The following SYT12 variants were observed in gnomAD, a reference collection of about 807,000 sequenced individuals.
SYT12 encodes synaptotagmin 12.
A neutral mutation model predicts 39.5 loss-of-function variants in SYT12; 27 were observed. The ratio of observed to expected loss-of-function variants is 0.68; its 90% confidence interval spans 0.50 to 0.94. The LOEUF (loss-of-function observed/expected upper bound fraction) is 0.94, where lower values mean the gene tolerates loss of function less well. SYT12 is among the 40% of genes least tolerant of loss of function. SYT12 has a pLI of 0.00. For synonymous variants in SYT12, 233 were observed against 239.7 expected, an observed-to-expected ratio of 0.97 and a Z score of 0.26; for missense variants, 536 against 572.6, an observed-to-expected ratio of 0.94 and a Z score of 0.65.
chr11:67,041,476 T>TAATA (rs974617570), intron 4 of SYT12, among the ~76,000 whole-genome samples: 1 of 151,914 alleles, frequency 6.6e-6, no homozygotes, highest in African/African-American at 2.4e-5. Flanking sequence ...GTCTCAAAAA[T>TAATA]AATAAATAAA....
chr11:67,044,401 G>A (rs967911244), intron 5 of SYT12, among the ~76,000 whole-genome samples, 192 bp from the exon 6 acceptor site: 7 of 152,172 alleles, frequency 4.6e-5, no homozygotes, highest in African/African-American at 1.7e-4. Flanking sequence ...TCCATGCAGT[G>A]GCGGGGGGTG....
At chr11:67,014,060 G>C (rs1347491622) in intron 3 of SYT12, among the ~76,000 whole-genome samples, 1 of 152,158 alleles carries the variant, frequency 6.6e-6, no homozygotes, top group Non-Finnish European at 1.5e-5. Flanking sequence ...AGATGTCCCT[G>C]TTTTCTTTCT....
At chr11:67,033,822 G>A (rs780586170) in intron 2 of SYT12, among the ~76,000 whole-genome samples, 79 of 152,204 alleles carry the variant, frequency 5.2e-4, no homozygotes, top group Non-Finnish European at 9.0e-4. Flanking sequence ...CAAAACCTTG[G>A]AACGTGTATG....
intron 3 of SYT12, among the ~76,000 whole-genome samples, chr11:67,038,592 T>A (rs1950433758): frequency 6.6e-6 from 1 of 152,226 alleles, no homozygotes; most frequent in South Asian, 2.1e-4. Flanking sequence ...CCCATTCTTC[T>A]TCTGGGACAC....
At position 67,015,675 on chromosome 11, in the gene SYT12, G is replaced by A. The variant is rs140250514; in HGVS notation, c.-69+4681G>A. ...TTAGAAACAGCATCGCCTTCATGGCGTCAAGGAGGTAATGAATATGGAGAG... is the reference window on the plus strand; with the variant it reads ...TTAGAAACAGCATCGCCTTCATGGCATCAAGGAGGTAATGAATATGGAGAG... On this transcript the variant is annotated intron_variant, in intron 3 of 10. Coordinates refer to the SYT12 transcript ENST00000393946. Among the ~76,000 whole-genome samples, 29 of 152,336 alleles carry A rather than the reference G, an allele frequency of 1.9e-4. 1 individual carries two copies. The highest frequency in any genetic ancestry group is 1.9e-3 in the South Asian group (9 of 4,826).
intron 3 of SYT12, among the ~76,000 whole-genome samples, chr11:67,017,368 T>C (rs963006390): frequency 4.6e-5 from 7 of 151,500 alleles, no homozygotes; most frequent in African/African-American, 1.7e-4. Flanking sequence ...CAATTTTTTT[T>C]TTTTTTTTTG....
intron 1 of SYT12, among the ~76,000 whole-genome samples, chr11:67,007,755 G>C (rs1159331164): frequency 6.6e-6 from 1 of 151,418 alleles, no homozygotes; most frequent in Non-Finnish European, 1.5e-5. Flanking sequence ...GTAGAGACGG[G>C]GTTTCCCTAC....
intron 3 of SYT12, among the ~76,000 whole-genome samples, chr11:67,014,286 G>A (rs75191158): frequency 0.019 from 2,855 of 152,274 alleles, 41 homozygotes; most frequent in Non-Finnish European, 0.028. Flanking sequence ...AGATGTGTCC[G>A]GGATCAGGGA....
chr11:67,033,836 CTGCTGCGTGCCAAGCGCGG>C (rs1318769192), intron 2 of SYT12, among the ~76,000 whole-genome samples: 1 of 152,192 alleles, frequency 6.6e-6, no homozygotes, highest in Non-Finnish European at 1.5e-5. Context: ...GTGTATGGTC[CTGCTGCGTGCCAAGCGCGG>C]TGCTGGGGAG....
intron 3 of SYT12, among the ~76,000 whole-genome samples, chr11:67,013,140 A>C (rs1950025657): frequency 6.6e-6 from 1 of 152,240 alleles, no homozygotes; most frequent in African/African-American, 2.4e-5. Flanking sequence ...GGAGCAGCTC[A>C]GCCAGGCAAT....
chr11:67,030,078 T>C, intron 1 of SYT12, 44 bp from the exon 2 acceptor site: 1 of 1,593,240 alleles, frequency 6.3e-7, no homozygotes, highest in Non-Finnish European at 8.6e-7. Flanking sequence ...AGCGGGACGC[T>C]GACTCTCTGC....
intron 3 of SYT12, among the ~76,000 whole-genome samples, chr11:67,037,860 C>T (rs1489996088): frequency 6.9e-6 from 1 of 145,206 alleles, no homozygotes; most frequent in African/African-American, 2.6e-5. Context: ...CCAGCCTGGG[C>T]GACAGAGCGA....
intron 3 of SYT12, among the ~76,000 whole-genome samples, chr11:67,011,510 T>TG (rs147396152): frequency 0.037 from 5,591 of 152,196 alleles, 330 homozygotes; most frequent in African/African-American, 0.13. Context: ...CCCAAAGTGC[T>TG]GGATTACAGG....
chr11:67,032,976 G>T (rs905295376), intron 2 of SYT12: 1 of 153,124 alleles, frequency 6.5e-6, no homozygotes, highest in African/African-American at 2.4e-5. Context: ...TCAGTGCTGG[G>T]AGGGCGTCAG....
rs1206461323 is a variant in SYT12, at chr11:67,024,931, G to C, written c.-24+1471G>C. Among the ~76,000 whole-genome samples, 2 of 152,192 alleles carry C rather than the reference G, an allele frequency of 1.3e-5. 1 individual carries two copies. The highest frequency in any genetic ancestry group is 2.9e-5 in the Non-Finnish European group (2 of 68,036). ...ACAGAGGGCCCCTCTCCCCCGCCGAGGCACAACATTCATGGAAAGCCAATT... is the reference window on the plus strand; with the variant it reads ...ACAGAGGGCCCCTCTCCCCCGCCGACGCACAACATTCATGGAAAGCCAATT... On this transcript the variant is annotated intron_variant, in intron 1 of 7. Transcript: ENST00000527043.
chr11:67,036,681 A>G (rs1950387054), intron 3 of SYT12, among the ~76,000 whole-genome samples: 1 of 152,196 alleles, frequency 6.6e-6, no homozygotes, highest in South Asian at 2.1e-4. Context: ...CACGCCCGTA[A>G]TCCCAGCACT....
upstream of SYT12, among the ~76,000 whole-genome samples, chr11:67,018,936 C>A (rs893312502): frequency 3.9e-5 from 6 of 152,166 alleles, no homozygotes; most frequent in Admixed American, 3.3e-4. Flanking sequence ...GCCTGGAAAG[C>A]GGAGAACTGA....
At chr11:67,033,520 C>T (rs1404691925) in intron 2 of SYT12, among the ~76,000 whole-genome samples, 3 of 152,178 alleles carry the variant, frequency 2.0e-5, no homozygotes, top group Non-Finnish European at 4.4e-5. Flanking sequence ...CCCCACCTTG[C>T]TTCCAGGGAA....
chr11:67,043,644 A>T lies in SYT12; in HGVS notation c.628A>T (p.Arg210Ter). 1 of 1,614,098 alleles carries T rather than the reference A, an allele frequency of 6.2e-7. No individual in the cohort carries two copies. Among genetic ancestry groups the T allele is most frequent in the Non-Finnish European group, 8.5e-7 (1 of 1,180,034 alleles). The change falls in exon 5 of 8, where the codon AGA becomes TGA. Residue 210 changes from arginine (R) to a stop codon, truncating the protein, a stop_gained. Coordinates refer to ENST00000527043, the MANE Select transcript of SYT12 (RefSeq NM_177963.4). LOFTEE classifies it high-confidence loss of function. ...EQIVGISRIQ[R>*]NAYSIFFDEK... Reference sequence around the variant, plus strand: ...ATGGCCTTTTCTCCTGCAGATCCAGAGAAATGCCTACTCCATCTTCTTTGA... The same window carrying T: ...ATGGCCTTTTCTCCTGCAGATCCAGTGAAATGCCTACTCCATCTTCTTTGA...
Sources: gnomAD v4.1 joint callset for allele counts (sites outside exome capture counted in the v4.1 genomes callset) on GRCh38, gnomAD v4.1.1 for gene constraint, MANE v1.5 for transcripts, NCBI Gene and HGNC (gene_info 2026-07-23, HGNC 2026-07-21) for gene names.